The following BBS2 variants were observed in gnomAD, a reference collection of about 807,000 sequenced individuals.
BBS2 encodes the protein BBSome complex member BBS2.
In BBS2, 62 loss-of-function variants were observed where a neutral mutation model predicts 83.0. That is an observed-to-expected ratio of 0.75 (90% CI 0.61 to 0.92). BBS2 has a LOEUF of 0.92. BBS2 is among the 40% of genes least tolerant of loss of function. The pLI, the probability that BBS2 is intolerant of heterozygous loss-of-function variation, is 0.00. For synonymous variants in BBS2, 303 were observed against 326.1 expected, an observed-to-expected ratio of 0.93 and a Z score of 0.76; for missense variants, 784 against 901.0, an observed-to-expected ratio of 0.87 and a Z score of 1.66.
At chr16:56,479,891 G>C (rs1963619061), downstream of BBS2, among the ~76,000 whole-genome samples, 1 of 152,194 alleles carries the variant, frequency 6.6e-6, no homozygotes, top group African/African-American at 2.4e-5. Flanking sequence ...ACAGATTTTA[G>C]CATCCTCACG....
At chr16:56,472,826 C>T (rs1225992967) in intron 17 of BBS2, among the ~76,000 whole-genome samples, 1 of 152,102 alleles carries the variant, frequency 6.6e-6, no homozygotes, top group Non-Finnish European at 1.5e-5. Context: ...ATTTCATAAA[C>T]CTCTTTCTGA....
chr16:56,473,574 A>T (rs1963303645), intron 17 of BBS2, among the ~76,000 whole-genome samples: 1 of 152,178 alleles, frequency 6.6e-6, no homozygotes, highest in African/African-American at 2.4e-5. Flanking sequence ...GTACATGATG[A>T]TGTTTTCATT....
rs1447227184 is a variant in BBS2, at chr16:56,506,177, G to A, written c.660C>T (p.Ala220=). The change falls in exon 6 of 17, where the codon GCC becomes GCT. Residue 220 remains alanine (A), a synonymous_variant. Transcript: ENST00000245157. ...AAACTCCAACTGTGCCATTGGAAAG[G>A]GCATAACCAAATCGACTGCCATACA... is the stretch of plus-strand genomic sequence containing the variant. The part of the protein sequence containing the change: ...CPMYGSRFGY[A]LSNGTVGVYD... 2 of 1,614,002 alleles carry A rather than the reference G, an allele frequency of 1.2e-6. No homozygotes were observed. Among genetic ancestry groups the A allele is most frequent in the Non-Finnish European group, 1.7e-6 (2 of 1,179,972 alleles).
downstream of BBS2, among the ~76,000 whole-genome samples, chr16:56,484,082 T>C (rs1433584435): frequency 3.5e-5 from 5 of 144,686 alleles, no homozygotes; most frequent in Admixed American, 6.9e-5. Flanking sequence ...TCTAGGCTCA[T>C]TGCAACCTCT....
chr16:56,476,365 C>G (rs1286802240), intron 17 of BBS2: 4 of 535,394 alleles, frequency 7.5e-6, no homozygotes, highest in Non-Finnish European at 1.2e-5. Flanking sequence ...TGTCCTCAAC[C>G]GAGACCTTGA....
At chr16:56,472,535 T>C (rs1268659983) in intron 17 of BBS2, among the ~76,000 whole-genome samples, 8 of 152,200 alleles carry the variant, frequency 5.3e-5, no homozygotes, top group South Asian at 2.1e-4. Flanking sequence ...GTGCTAAACA[T>C]TGGCATAGCT....
At chr16:56,514,977 T>C (rs1288090891) in intron 1 of BBS2, among the ~76,000 whole-genome samples, 2 of 152,202 alleles carry the variant, frequency 1.3e-5, no homozygotes, top group Non-Finnish European at 2.9e-5. Context: ...AAAGCACTCT[T>C]AGGAGCTAGC....
intron 11 of BBS2, chr16:56,500,648 C>T: frequency 3.9e-6 from 2 of 509,962 alleles, no homozygotes; most frequent in South Asian, 2.5e-5. Flanking sequence ...AAAAAAGAAC[C>T]ATCTTAAACT....
downstream of BBS2, among the ~76,000 whole-genome samples, chr16:56,479,427 G>A (rs972704458): frequency 9.9e-5 from 15 of 152,166 alleles, no homozygotes; most frequent in Non-Finnish European, 1.5e-4. Context: ...GCAGTGAGCC[G>A]AGATCGCACC....
intron 1 of BBS2, among the ~76,000 whole-genome samples, chr16:56,515,614 G>A (rs1333559984): frequency 2.0e-5 from 3 of 152,126 alleles, no homozygotes; most frequent in Non-Finnish European, 4.4e-5. Flanking sequence ...ATTTACATGA[G>A]TATTTCATCT....
downstream of BBS2, among the ~76,000 whole-genome samples, chr16:56,482,645 A>G (rs1474913468): frequency 2.0e-5 from 3 of 152,234 alleles, no homozygotes; most frequent in East Asian, 5.8e-4. Context: ...ATCAAAATCA[A>G]TAAAATTAAT....
chr16:56,497,299 G>A, intron 14 of BBS2: 2 of 586,388 alleles, frequency 3.4e-6, no homozygotes, highest in Non-Finnish European at 6.1e-6. Flanking sequence ...TCTTCCCCAT[G>A]CTTTAGCACC....
At position 56,508,701 on chromosome 16, in the gene BBS2, AGTGGCGTGATCATAGCTCACT is replaced by A. The variant is rs564538478; in HGVS notation, c.612+1235_612+1255del. Among the ~76,000 whole-genome samples, 469 of 151,850 alleles carry A rather than the reference AGTGGCGTGATCATAGCTCACT, an allele frequency of 3.1e-3. 4 individuals are homozygous for A. The highest frequency in any genetic ancestry group is 0.011 in the African/African-American group (451 of 41,370). On this transcript the variant is annotated intron_variant, in intron 5 of 16. Transcript: ENST00000245157. ...TTCTCGTTGCCCCTGGGTGGAATGCAGTGGCGTGATCATAGCTCACTGTAGCCTCAAGCTCCTGGGCTCAAG... is the reference window on the plus strand; with the variant it reads ...TTCTCGTTGCCCCTGGGTGGAATGCAGTAGCCTCAAGCTCCTGGGCTCAAG...
At chr16:56,516,836 A>T (rs1243613412) in intron 1 of BBS2, among the ~76,000 whole-genome samples, 2 of 152,196 alleles carry the variant, frequency 1.3e-5, no homozygotes, top group African/African-American at 4.8e-5. Context: ...TGCTTTTAAG[A>T]AAATATATTC....
chr16:56,474,704 A>G lies in BBS2; in HGVS notation c.*1-4009T>C, dbSNP rs1454821442. The G allele has an allele frequency of 1.6e-5, 11 of 698,202 alleles. No individual in the cohort carries two copies. The East Asian group carries it at 2.3e-4, about 15-fold the overall frequency. 43.3% of individuals were successfully genotyped at this position (698,202 alleles called of 1,614,324 possible). A position where few individuals can be genotyped will look rare whatever the true frequency, so the allele number is the denominator to read the frequency against. On this transcript the variant is annotated intron_variant, in intron 17 of 17. Coordinates refer to the BBS2 transcript ENST00000682047. Reference sequence around the variant, plus strand: ...GCTGGATTGGTAGAATAGCACTTCAATCAAAGGTTTGTGGGAATGGTTTCC... The same window carrying G: ...GCTGGATTGGTAGAATAGCACTTCAGTCAAAGGTTTGTGGGAATGGTTTCC...
downstream of BBS2, among the ~76,000 whole-genome samples, chr16:56,480,350 C>CAAAAAAAAA (rs1356996256): frequency 2.6e-4 from 7 of 27,316 alleles, no homozygotes; most frequent in Non-Finnish European, 4.0e-4. Flanking sequence ...CACACACACA[C>CAAAAAAAAA]ACAAAAAAAA....
chr16:56,474,702 C>A, intron 17 of BBS2: 1 of 681,306 alleles, frequency 1.5e-6, no homozygotes, highest in Non-Finnish European at 2.4e-6. Flanking sequence ...AATAGCACTT[C>A]AATCAAAGGT....
intron 1 of BBS2, among the ~76,000 whole-genome samples, chr16:56,516,436 G>A (rs1352209879): frequency 6.6e-6 from 1 of 152,078 alleles, no homozygotes; most frequent in East Asian, 1.9e-4. Flanking sequence ...TTGCTCTATT[G>A]CCCAGGCTGG....
chr16:56,500,460 T>C (rs754594392), intron 11 of BBS2: 25 of 260,278 alleles, frequency 9.6e-5, no homozygotes, highest in Non-Finnish European at 1.4e-4. Context: ...CTCCTGTCTC[T>C]ACTAAAAATA....
Sources: allele counts gnomAD v4.1 joint callset (sites outside exome capture counted in the v4.1 genomes callset), GRCh38; gene constraint gnomAD v4.1.1; transcripts MANE v1.5; gene names NCBI Gene and HGNC (gene_info 2026-07-23, HGNC 2026-07-21).